The following SLC8A1 variants were observed in gnomAD, a reference collection of about 807,000 sequenced individuals.
The protein encoded by SLC8A1 is solute carrier family 8 member A1.
In SLC8A1, 18 loss-of-function variants were observed where a neutral mutation model predicts 68.3. That is an observed-to-expected ratio of 0.26 (90% CI 0.18 to 0.39). The LOEUF (loss-of-function observed/expected upper bound fraction) is 0.39. Ranked by LOEUF, SLC8A1 falls within the 10% of genes least tolerant of loss-of-function variation. The pLI, the probability that SLC8A1 is intolerant of heterozygous loss-of-function variation, is 1.00. For missense variants in SLC8A1, 985 were observed against 1,156.7 expected (o/e 0.85, Z 2.15); for synonymous variants, 475 against 415.5 (o/e 1.14, Z -1.74).
At chr2:40,432,435 G>A (rs2149795802) in intron 1 of SLC8A1, among the ~76,000 whole-genome samples, 1 of 143,056 alleles carries the variant, frequency 7.0e-6, no homozygotes, top group Non-Finnish European at 1.5e-5. Context: ...ATGTGTCAGT[G>A]TGTATACACG....
chr2:40,390,164 G>C (rs1684834832), intron 2 of SLC8A1, among the ~76,000 whole-genome samples: 1 of 152,042 alleles, frequency 6.6e-6, no homozygotes, highest in Admixed American at 6.6e-5. Flanking sequence ...AAGAGCATTA[G>C]TAGAAACTGT....
intron 1 of SLC8A1, among the ~76,000 whole-genome samples, chr2:40,437,214 C>T (rs1393609550): frequency 2.6e-5 from 4 of 152,210 alleles, no homozygotes; most frequent in South Asian, 4.1e-4. Flanking sequence ...TTTATTTTCA[C>T]GACAATAAGT....
chr2:40,498,337 A>G (rs367631924), intron 1 of SLC8A1, among the ~76,000 whole-genome samples: 4 of 152,254 alleles, frequency 2.6e-5, no homozygotes, highest in African/African-American at 9.6e-5. Context: ...ATTTTGCAAA[A>G]GTAAATTATA....
chr2:40,475,902 T>A (rs1704275740), intron 1 of SLC8A1, among the ~76,000 whole-genome samples: 1 of 152,120 alleles, frequency 6.6e-6, no homozygotes, highest in African/African-American at 2.4e-5. Flanking sequence ...TAACTTTCTA[T>A]GATGCATCAC....
intron 2 of SLC8A1, among the ~76,000 whole-genome samples, chr2:40,400,654 T>A (rs527472817): frequency 6.6e-6 from 1 of 152,092 alleles, no homozygotes; most frequent in Admixed American, 6.5e-5. Context: ...CAGTGGGGAA[T>A]GAACTACCTC....
chr2:40,232,604 T>A (rs1187435454), intron 2 of SLC8A1, among the ~76,000 whole-genome samples: 7 of 150,664 alleles, frequency 4.6e-5, no homozygotes, highest in Non-Finnish European at 1.0e-4. Context: ...TTCTGTTTTT[T>A]TTTTTTTTTA....
chr2:40,436,008 G>A (rs1699343208), intron 1 of SLC8A1, among the ~76,000 whole-genome samples: 1 of 148,946 alleles, frequency 6.7e-6, no homozygotes, highest in Non-Finnish European at 1.5e-5. Flanking sequence ...CCTGACCTTA[G>A]GTAATCTGCC....
At chr2:40,416,001 A>T (rs1366185578) in intron 2 of SLC8A1, among the ~76,000 whole-genome samples, 6 of 148,264 alleles carry the variant, frequency 4.0e-5, no homozygotes, top group South Asian at 2.2e-4. Flanking sequence ...GGCGGAGCTG[A>T]GATCACGCCA....
intron 2 of SLC8A1, among the ~76,000 whole-genome samples, chr2:40,392,810 C>A (rs1037878691): frequency 6.6e-6 from 1 of 152,076 alleles, no homozygotes; most frequent in Non-Finnish European, 1.5e-5. Flanking sequence ...GGAGGGCTTT[C>A]AGCATTAATA....
chr2:40,274,153 T>G (rs1288225454), intron 2 of SLC8A1, among the ~76,000 whole-genome samples: 1 of 150,082 alleles, frequency 6.7e-6, no homozygotes, highest in Non-Finnish European at 1.5e-5. Context: ...ACAGCCCTTG[T>G]GGATGGAATA....
intron 7 of SLC8A1, chr2:40,118,244 C>T (rs1327350183): frequency 6.6e-6 from 1 of 152,222 alleles, no homozygotes; most frequent in Non-Finnish European, 1.5e-5. Context: ...AGTCTGATTT[C>T]AGAGCCCAGT....
intron 2 of SLC8A1, among the ~76,000 whole-genome samples, chr2:40,273,839 G>A (rs1171898440): frequency 6.7e-6 from 1 of 150,268 alleles, no homozygotes; most frequent in African/African-American, 2.4e-5. Context: ...CAGGAACGAG[G>A]AAAACATAGT....
At chr2:40,286,262 C>T (rs1056644541) in intron 2 of SLC8A1, among the ~76,000 whole-genome samples, 1 of 152,152 alleles carries the variant, frequency 6.6e-6, no homozygotes, top group African/African-American at 2.4e-5. Context: ...GGGATAACCC[C>T]AGGTTCACAG....
intron 6 of SLC8A1, among the ~76,000 whole-genome samples, chr2:40,151,309 C>T (rs2043380753): frequency 6.6e-6 from 1 of 151,892 alleles, no homozygotes; most frequent in East Asian, 1.9e-4. Context: ...AGATTGTTTT[C>T]TAGATCAGAC....
intron 2 of SLC8A1, among the ~76,000 whole-genome samples, chr2:40,360,180 T>C (rs1674164524): frequency 6.6e-6 from 1 of 152,116 alleles, no homozygotes; most frequent in Non-Finnish European, 1.5e-5. Flanking sequence ...AAACCATTTT[T>C]ATTTTGCCCC....
intron 2 of SLC8A1, among the ~76,000 whole-genome samples, chr2:40,237,395 A>T (rs957684132): frequency 6.6e-6 from 1 of 152,142 alleles, no homozygotes; most frequent in Non-Finnish European, 1.5e-5. Flanking sequence ...AGTTGATTGC[A>T]TCAGCTCCTG....
chr2:40,242,269 G>T (rs1308718695), intron 2 of SLC8A1, among the ~76,000 whole-genome samples: 1 of 152,116 alleles, frequency 6.6e-6, no homozygotes, highest in Admixed American at 6.6e-5. Context: ...TTTAAGTAAA[G>T]CCTGTTTAGT....
intron 2 of SLC8A1, among the ~76,000 whole-genome samples, chr2:40,366,093 C>T (rs185857291): frequency 6.6e-6 from 1 of 151,872 alleles, no homozygotes; most frequent in Non-Finnish European, 1.5e-5. Flanking sequence ...TACCTGAAAA[C>T]TGGTGATGAA....
chr2:40,505,066 T>C (rs1706282687), intron 1 of SLC8A1, among the ~76,000 whole-genome samples: 1 of 151,916 alleles, frequency 6.6e-6, no homozygotes, highest in African/African-American at 2.4e-5. Flanking sequence ...TAAGCATCTA[T>C]CAACAAATGA....
Sources: gnomAD v4.1 joint callset for allele counts (sites outside exome capture counted in the v4.1 genomes callset) on GRCh38, gnomAD v4.1.1 for gene constraint, MANE v1.5 for transcripts, NCBI Gene and HGNC (gene_info 2026-07-23, HGNC 2026-07-21) for gene names.